The following RGS9 variants were observed in gnomAD, a reference collection of about 807,000 sequenced individuals.
RGS9 encodes regulator of G protein signaling 9, also known as regulator of G-protein signalling 9.
In RGS9, 78 loss-of-function variants were observed where a neutral mutation model predicts 102.0. The ratio of observed to expected loss-of-function variants is 0.76; its 90% CI spans 0.64 to 0.92. The LOEUF (loss-of-function observed/expected upper bound fraction) is 0.92. Among genes scored for constraint, RGS9 ranks in the 40% least tolerant of loss-of-function variants. The probability of loss-of-function intolerance (pLI) is 0.00; values close to 1 mark genes in which losing one functional copy is unlikely to be tolerated. For missense variants in RGS9, 833 were observed against 866.1 expected (o/e 0.96, Z 0.48); for synonymous variants, 353 against 318.6 (o/e 1.11, Z -1.15).
At chr17:65,153,283 C>T in intron 1 of RGS9, 139 bp from the exon 2 acceptor site, 1 of 776,888 alleles carries the variant, frequency 1.3e-6, no homozygotes, top group South Asian at 1.4e-5. Flanking sequence ...CACTCAGTGC[C>T]CACCTGGCTC....
intron 6 of RGS9, among the ~76,000 whole-genome samples, chr17:65,161,346 G>T (rs1910974378): frequency 6.6e-6 from 1 of 152,194 alleles, no homozygotes; most frequent in South Asian, 2.1e-4. Flanking sequence ...CCACCTTCCA[G>T]GTTCAAGCGA....
At chr17:65,148,963 G>A (rs543129477) in intron 1 of RGS9, among the ~76,000 whole-genome samples, 28 of 150,952 alleles carry the variant, frequency 1.9e-4, no homozygotes, top group African/African-American at 6.9e-4. Flanking sequence ...TGTTTTTTTT[G>A]TTTTGTTTTG....
In RGS9 at chr17:65,156,675, G is replaced by A. The variant is rs76369512; in HGVS notation, c.155-1620G>A. Among the ~76,000 whole-genome samples the A allele has an allele frequency of 9.5e-3, 1,449 of 152,258 alleles. 18 individuals are homozygous for A. Among genetic ancestry groups the A allele is most frequent in the African/African-American group, 0.033 (1,389 of 41,534 alleles). On this transcript the variant is annotated intron_variant, in intron 2 of 18. Transcript: ENST00000262406. ...ACCATAATCTCATTTGATCTATTTC[G>A]GGAGGCAGTCAAGTGGATGAGAAAG...
At chr17:65,177,113 C>G (rs527990768) in intron 8 of RGS9, among the ~76,000 whole-genome samples, 77 of 150,676 alleles carry the variant, frequency 5.1e-4, no homozygotes, top group African/African-American at 1.7e-3. Context: ...CTCCATTCAT[C>G]CATCTCACTA....
chr17:65,160,962 T>C, intron 6 of RGS9, 53 bp downstream of exon 6: 2 of 1,439,574 alleles, frequency 1.4e-6, no homozygotes, highest in Non-Finnish European at 2.0e-6. Context: ...AAGATAGTTT[T>C]GAGCTGTACT....
At chr17:65,183,621 C>A (rs1302740192) in intron 9 of RGS9, among the ~76,000 whole-genome samples, 2 of 152,172 alleles carry the variant, frequency 1.3e-5, no homozygotes, top group Non-Finnish European at 2.9e-5. Context: ...GCCTGCTTAA[C>A]CACTTGTGTT....
chr17:65,146,963 G>A (rs574740783), intron 1 of RGS9, among the ~76,000 whole-genome samples: 1 of 152,262 alleles, frequency 6.6e-6, no homozygotes, highest in African/African-American at 2.4e-5. Context: ...AGTTAGTGGA[G>A]AACTCCAGAA....
intron 1 of RGS9, among the ~76,000 whole-genome samples, chr17:65,146,307 T>C (rs577115735): frequency 6.6e-6 from 1 of 152,264 alleles, no homozygotes; most frequent in Admixed American, 6.5e-5. Flanking sequence ...TAGAAAATCT[T>C]GGCCTGGCGT....
intron 9 of RGS9, among the ~76,000 whole-genome samples, chr17:65,183,111 C>CTAT (rs1360431205): frequency 0.011 from 824 of 78,206 alleles, 3 homozygotes; most frequent in East Asian, 0.048. Flanking sequence ...TATCTATCTA[C>CTAT]CTACCTACCT....
chr17:65,158,517 G>A lies in RGS9; in HGVS notation c.205+172G>A. The A allele has an allele frequency of 4.2e-6, 3 of 710,446 alleles. No individual in the cohort carries two copies. The African/African-American group carries it at 5.2e-5, about 12-fold the overall frequency. The allele number at this position is 710,446 out of a possible 1,614,324, so 44.0% of individuals were successfully genotyped here. A position where few individuals can be genotyped will look rare whatever the true frequency, so the allele number is the denominator to read the frequency against. On this transcript the variant is annotated intron_variant, in intron 3 of 18. Transcript: ENST00000262406. ...CAAAAGCAAAGGCAGGATAATTTGG[G>A]GACGAAAGAGTTATTTTGTACAAAA...
chr17:65,195,690 G>A (rs1175756777), intron 12 of RGS9, among the ~76,000 whole-genome samples: 1 of 152,166 alleles, frequency 6.6e-6, no homozygotes, highest in Non-Finnish European at 1.5e-5. Flanking sequence ...TTTTAGAACA[G>A]TATTACAATT....
Position 65,147,313 on chromosome 17 carries a change from T to A in RGS9, c.58-6109T>A, listed in dbSNP as rs539792818. 1.5e-4 allele frequency among the ~76,000 whole-genome samples: 23 copies of A among 152,316 alleles called. 1 individual carries two copies. The highest frequency in any genetic ancestry group is 1.1e-3 in the Admixed American group (17 of 15,296). ...GTCTGCACGCTGGCTGGCTGTGTGC[T>A]CAGAGTGGCCTCAGCTGTGTACCTG... On this transcript the variant is annotated intron_variant, in intron 1 of 18. Coordinates refer to ENST00000262406, the MANE Select transcript of RGS9 (RefSeq NM_003835.4).
Position 65,157,417 on chromosome 17 carries a change from C to T in RGS9, c.155-878C>T, listed in dbSNP as rs1270393849. On this transcript the variant is annotated intron_variant, in intron 2 of 18. Transcript: ENST00000262406. ...GGCTCAGAGCTTCTGTGGGGTCGTA[C>T]GGCAGCTCTGGGCTTGTTGGTGGAA... 5.3e-5 allele frequency among the ~76,000 whole-genome samples: 8 copies of T among 151,810 alleles called. No individual in the cohort carries two copies. The South Asian group carries it at 8.3e-4, about 16-fold the overall frequency.
intron 17 of RGS9, among the ~76,000 whole-genome samples, chr17:65,214,215 A>T (rs553382975): frequency 2.0e-5 from 3 of 152,332 alleles, no homozygotes; most frequent in Admixed American, 2.0e-4. Context: ...CACCAACCTC[A>T]GCCTCCCAAA....
At chr17:65,205,804 G>A (rs1913040050) in intron 15 of RGS9, among the ~76,000 whole-genome samples, 1 of 151,810 alleles carries the variant, frequency 6.6e-6, no homozygotes, top group African/African-American at 2.4e-5. Context: ...ATGTAATATA[G>A]GTTATATGAT....
At chr17:65,199,084 TTAGG>T (rs1318105502) in intron 13 of RGS9, among the ~76,000 whole-genome samples, 9 of 152,236 alleles carry the variant, frequency 5.9e-5, no homozygotes, top group African/African-American at 2.2e-4. Context: ...TCCTGAGGCT[TTAGG>T]TATGAACAGG....
intron 8 of RGS9, among the ~76,000 whole-genome samples, chr17:65,172,556 T>TA (rs1253467883): frequency 1.1e-4 from 17 of 151,930 alleles, no homozygotes; most frequent in East Asian, 1.9e-4. Context: ...GGTCCAAAAA[T>TA]AAAAAATAAA....
chr17:65,162,792 G>A (rs1911034735), intron 6 of RGS9, among the ~76,000 whole-genome samples: 2 of 152,138 alleles, frequency 1.3e-5, no homozygotes, highest in African/African-American at 4.8e-5. Flanking sequence ...TTTTACAAAA[G>A]CAAAGAAAAC....
chr17:65,172,910 TTTTCTTTCTTTC>T (rs529602514), intron 8 of RGS9, among the ~76,000 whole-genome samples: 1 of 151,616 alleles, frequency 6.6e-6, no homozygotes, highest in Admixed American at 6.6e-5. Context: ...TCTATTTCTT[TTTTCTTTCTTTC>T]TTTCTTTCTT....
Sources: gnomAD v4.1 joint callset for allele counts (sites outside exome capture counted in the v4.1 genomes callset) on GRCh38, gnomAD v4.1.1 for gene constraint, MANE v1.5 for transcripts, NCBI Gene and HGNC (gene_info 2026-07-23, HGNC 2026-07-21) for gene names.